Variants in FEZ1 observed in about 807,000 individuals in gnomAD.
The protein encoded by FEZ1 is fasciculation and elongation protein zeta-1.
A neutral mutation model predicts 49.3 loss-of-function variants in FEZ1; 20 were observed. The observed-to-expected ratio is 0.41, with a 90% CI of 0.29 to 0.59. The LOEUF (loss-of-function observed/expected upper bound fraction) is 0.59. Ranked by LOEUF, FEZ1 falls within the 20% of genes least tolerant of loss-of-function variation. The pLI, the probability that FEZ1 is intolerant of heterozygous loss-of-function variation, is 0.36. For missense variants in FEZ1, 413 were observed against 476.0 expected, an observed-to-expected ratio of 0.87 and a Z score of 1.23; for synonymous variants, 170 against 180.9, an observed-to-expected ratio of 0.94 and a Z score of 0.48.
intron 4 of FEZ1, 179 bp downstream of exon 4, chr11:125,463,305 C>T (rs1395141090): frequency 2.1e-6 from 1 of 465,936 alleles, no homozygotes; most frequent in African/African-American, 2.0e-5. Context: ...GACTCTGTCT[C>T]AAAAGTATAT....
chr11:125,491,988 C>T (rs1204915266), intron 1 of FEZ1, among the ~76,000 whole-genome samples: 1 of 152,160 alleles, frequency 6.6e-6, no homozygotes. Context: ...GAGTTAACAT[C>T]TTTAGGAGTT....
chr11:125,452,758 ATTGT>A (rs1240622861), intron 7 of FEZ1: 1 of 205,914 alleles, frequency 4.9e-6, no homozygotes, highest in Non-Finnish European at 9.6e-6. Flanking sequence ...TTGAGAAGGA[ATTGT>A]TTGTCTTTTG....
chr11:125,474,529 C>A (rs916472992), intron 3 of FEZ1, among the ~76,000 whole-genome samples: 2 of 152,086 alleles, frequency 1.3e-5, no homozygotes, highest in Admixed American at 1.3e-4. Context: ...TAAAAGGCAA[C>A]CTATAGACTA....
In FEZ1 at chr11:125,495,524, TCTGCGGCCG is replaced by T; in HGVS notation, c.-46+588_-46+596del. On this transcript the variant is annotated intron_variant, in intron 1 of 9. Transcript: ENST00000278919. The surrounding 1 kb of genome is among the most constrained non-coding windows in gnomAD (Gnocchi z 4.2). The stretch of plus-strand genomic sequence containing the variant: ...TAGTAAAACAATCGCTCTCCCGGCG[TCTGCGGCCG>T]CTGCCAGCGGTTCTGACACTGCAGG... 1 of 470,936 alleles carries T rather than the reference TCTGCGGCCG, an allele frequency of 2.1e-6. No homozygotes were observed. 29.2% of individuals were successfully genotyped at this position (470,936 alleles called of 1,614,324 possible).
rs532641544 is a variant in FEZ1, at chr11:125,445,964, T to A, written c.*131A>T. On this transcript the variant is annotated 3_prime_UTR_variant, in exon 10 of 10. Transcript: ENST00000278919. The surrounding 1 kb of genome is among the most constrained non-coding windows in gnomAD (Gnocchi z 4.4). ...ACGGCAAAGGACCCCGCGCGCTTGC[T>A]CGTGTTTAATCCAGGTTAAGCTATA... is the stretch of plus-strand genomic sequence containing the variant. The A allele has an allele frequency of 1.1e-6, 1 of 947,234 alleles. No homozygotes were observed. Among genetic ancestry groups the A allele is most frequent in the Admixed American group, 1.7e-5 (1 of 58,326 alleles). 58.7% of individuals were successfully genotyped at this position (947,234 alleles called of 1,614,324 possible).
chr11:125,454,228 T>G lies in FEZ1; in HGVS notation c.940-18A>C. On this transcript the variant is annotated intron_variant, in intron 6 of 9. Coordinates refer to ENST00000278919, the MANE Select transcript of FEZ1 (RefSeq NM_005103.5). ...CTGAAGCGCTGTGGGGGAGAGAGAC[T>G]CAAGAAGGGCAAATGCTTCTTGCTA... The G allele has an allele frequency of 1.9e-6, 3 of 1,590,002 alleles. No individual in the cohort carries two copies. The highest frequency in any genetic ancestry group is 2.6e-6 in the Non-Finnish European group (3 of 1,159,278).
Position 125,456,510 on chromosome 11 carries a change from C to T in FEZ1, c.668-404G>A, listed in dbSNP as rs531275300. On this transcript the variant is annotated intron_variant, in intron 5 of 9. Transcript: ENST00000278919. ...CATCCATACTGAAGAGCAATAGAGA[C>T]GTTGGTGCTTATTCCCAAGAACTGA... 2.0e-5 allele frequency among the ~76,000 whole-genome samples: 3 copies of T among 152,240 alleles called. No homozygotes were observed. The East Asian group carries it at 5.8e-4, about 29-fold the overall frequency.
At chr11:125,488,435 C>T (rs1210692382) in intron 2 of FEZ1, among the ~76,000 whole-genome samples, 1 of 152,220 alleles carries the variant, frequency 6.6e-6, no homozygotes, top group African/African-American at 2.4e-5. Flanking sequence ...AATCCCAGCA[C>T]TTTGGGAGGC....
intron 3 of FEZ1, among the ~76,000 whole-genome samples, chr11:125,473,439 AG>A: frequency 6.6e-6 from 1 of 152,232 alleles, no homozygotes; most frequent in African/African-American, 2.4e-5. Flanking sequence ...TGAGCCAAGG[AG>A]CTCAAGACCA....
rs144334103 is a variant in FEZ1 at position 125,480,857 on chromosome 11, G to A, written c.411+677C>T. Among the ~76,000 whole-genome samples, 800 of 152,158 alleles carry A rather than the reference G, an allele frequency of 5.3e-3. 3 individuals carry two copies. The highest frequency in any genetic ancestry group is 0.018 in the African/African-American group (761 of 41,500). On this transcript the variant is annotated intron_variant, in intron 3 of 9. Coordinates refer to ENST00000278919, the MANE Select transcript of FEZ1 (RefSeq NM_005103.5). ...GATCAAGACCATCCTGGCTAACACA[G>A]TGAAACCACATCTCTACTAAAAATA...
chr11:125,460,047 G>C (rs1323798387), intron 5 of FEZ1, among the ~76,000 whole-genome samples: 1 of 152,036 alleles, frequency 6.6e-6, no homozygotes, highest in Non-Finnish European at 1.5e-5. Flanking sequence ...AGTGAGCTAA[G>C]ACCATGCCGC....
At chr11:125,475,251 C>A (rs1287923651) in intron 3 of FEZ1, among the ~76,000 whole-genome samples, 2 of 149,316 alleles carry the variant, frequency 1.3e-5, no homozygotes, top group Non-Finnish European at 3.0e-5. Context: ...GACTGGGCAA[C>A]ACAGCAAGAC....
chr11:125,486,231 A>T (rs1476656231), intron 2 of FEZ1, among the ~76,000 whole-genome samples: 1 of 152,170 alleles, frequency 6.6e-6, no homozygotes, highest in Non-Finnish European at 1.5e-5. Flanking sequence ...CAGCCATTGC[A>T]TGGTTAGCCC....
At chr11:125,455,186 T>A (rs1199249777) in intron 6 of FEZ1, among the ~76,000 whole-genome samples, 7 of 150,062 alleles carry the variant, frequency 4.7e-5, no homozygotes, top group African/African-American at 7.4e-5. Flanking sequence ...AGATCAGGAG[T>A]TTGAGACCAG....
intron 5 of FEZ1, among the ~76,000 whole-genome samples, chr11:125,457,483 C>CATAT (rs777909932): frequency 1.0e-4 from 5 of 47,806 alleles, no homozygotes; most frequent in South Asian, 1.9e-3. Context: ...TATATATACA[C>CATAT]ATATATGTGT....
In FEZ1 at chr11:125,445,225, G is replaced by T. The variant is rs979660050; in HGVS notation, c.*870C>A. ...TCAAAGGACACTGTTGCCAGGGGTC[G>T]TTGGGGACAAACAGGGAGTGGTGGT... On this transcript the variant is annotated 3_prime_UTR_variant, in exon 10 of 10. Transcript: ENST00000278919. The surrounding 1 kb of genome is among the most constrained non-coding windows in gnomAD (Gnocchi z 4.4). Among the ~76,000 whole-genome samples the T allele has an allele frequency of 2.6e-5, 4 of 152,218 alleles. No individual in the cohort carries two copies. Among genetic ancestry groups the T allele is most frequent in the African/African-American group, 9.6e-5 (4 of 41,466 alleles).
chr11:125,476,084 C>G (rs114996176), intron 3 of FEZ1, among the ~76,000 whole-genome samples: 43 of 152,124 alleles, frequency 2.8e-4, no homozygotes, highest in Non-Finnish European at 5.1e-4. Context: ...ATGCAAAATT[C>G]TAGAAAATGA....
At chr11:125,452,835 C>T (rs1956970264) in intron 7 of FEZ1, 1 of 158,766 alleles carries the variant, frequency 6.3e-6, no homozygotes, top group Non-Finnish European at 1.4e-5. Flanking sequence ...GATTTGCTCC[C>T]TCTGCTGGAT....
intron 2 of FEZ1, among the ~76,000 whole-genome samples, chr11:125,483,614 G>A (rs561880301): frequency 9.9e-5 from 15 of 152,192 alleles, no homozygotes; most frequent in Non-Finnish European, 2.1e-4. Context: ...CACACCCGCT[G>A]GAAAGGTCAC....
Sources: allele counts gnomAD v4.1 joint callset (sites outside exome capture counted in the v4.1 genomes callset), GRCh38; gene constraint gnomAD v4.1.1; non-coding constraint Gnocchi (gnomAD v3.1); transcripts MANE v1.5; gene names NCBI Gene and HGNC (gene_info 2026-07-23, HGNC 2026-07-21).